Variants in DPP10 observed in about 807,000 individuals in gnomAD.
The protein encoded by DPP10 is dipeptidyl peptidase like 10.
A neutral mutation model predicts 120.9 loss-of-function variants in DPP10; 33 were observed. The ratio of observed to expected loss-of-function variants is 0.27; its 90% CI spans 0.21 to 0.37. DPP10 has a LOEUF of 0.37. Among genes scored for constraint, DPP10 ranks in the 10% least tolerant of loss-of-function variants. The pLI is 1.00. For missense variants in DPP10, 816 were observed against 942.8 expected, an observed-to-expected ratio of 0.87 and a Z score of 1.76; for synonymous variants, 337 against 326.1, an observed-to-expected ratio of 1.03 and a Z score of -0.36.
intron 1 of DPP10, among the ~76,000 whole-genome samples, chr2:114,573,975 C>A (rs1179786179): frequency 6.6e-6 from 1 of 152,048 alleles, no homozygotes; most frequent in South Asian, 2.1e-4. Context: ...TACATTTGAT[C>A]GTGGTGAAAG....
chr2:115,582,439 A>G (rs989112503), intron 5 of DPP10, among the ~76,000 whole-genome samples: 1 of 152,144 alleles, frequency 6.6e-6, no homozygotes, highest in African/African-American at 2.4e-5. Flanking sequence ...GGTGTTTCCC[A>G]TCTATTGGGA....
chr2:115,532,999 G>A (rs904313137), intron 5 of DPP10, among the ~76,000 whole-genome samples: 1 of 151,658 alleles, frequency 6.6e-6, no homozygotes, highest in Non-Finnish European at 1.5e-5. Context: ...TTTTTTTAAG[G>A]ACAAACATGA....
chr2:115,100,734 G>A (rs918727123), intron 1 of DPP10, among the ~76,000 whole-genome samples: 2 of 152,074 alleles, frequency 1.3e-5, no homozygotes, highest in Admixed American at 6.5e-5. Context: ...TCTTGGGGGA[G>A]TATTAACCTG....
chr2:115,656,562 C>G (rs566340381), intron 5 of DPP10, among the ~76,000 whole-genome samples: 19 of 151,730 alleles, frequency 1.3e-4, no homozygotes, highest in African/African-American at 3.9e-4. Flanking sequence ...TGGGGATTTA[C>G]TCGTCATTAA....
chr2:115,348,257 A>G (rs868694706), intron 3 of DPP10, among the ~76,000 whole-genome samples: 2 of 152,270 alleles, frequency 1.3e-5, no homozygotes, highest in Middle Eastern at 3.4e-3. Context: ...TTCCCCAGGT[A>G]CATTCATGTA....
intron 3 of DPP10, among the ~76,000 whole-genome samples, chr2:115,475,218 C>A (rs2074998236): frequency 6.6e-6 from 1 of 152,158 alleles, no homozygotes; most frequent in Non-Finnish European, 1.5e-5. Context: ...AAGTCCAGGG[C>A]CCCACGGACC....
intron 1 of DPP10, among the ~76,000 whole-genome samples, chr2:114,885,357 A>G (rs1009970171): frequency 6.6e-6 from 1 of 152,102 alleles, no homozygotes; most frequent in African/African-American, 2.4e-5. Context: ...ATGCTAAACC[A>G]TTTATAAGAA....
intron 3 of DPP10, among the ~76,000 whole-genome samples, chr2:115,397,733 T>C (rs368491329): frequency 1.3e-5 from 2 of 152,210 alleles, no homozygotes; most frequent in East Asian, 3.8e-4. Context: ...CTTCCTGTGC[T>C]TTTGGCTGTG....
At chr2:115,327,518 T>C (rs553727391) in intron 2 of DPP10, among the ~76,000 whole-genome samples, 3 of 152,168 alleles carry the variant, frequency 2.0e-5, no homozygotes, top group East Asian at 3.9e-4. Flanking sequence ...TACAGCCAAT[T>C]GTGGATTTTG....
intron 7 of DPP10, among the ~76,000 whole-genome samples, chr2:115,699,031 A>C (rs1559045488): frequency 3.2e-5 from 1 of 31,080 alleles, no homozygotes; most frequent in African/African-American, 8.8e-5. Flanking sequence ...TGAAAAAAAA[A>C]AAAACAAAAA....
intron 3 of DPP10, among the ~76,000 whole-genome samples, chr2:115,451,352 A>G (rs923869189): frequency 1.3e-4 from 19 of 151,944 alleles, no homozygotes; most frequent in African/African-American, 3.1e-4. Context: ...CTTTTACAAT[A>G]TGACTGACTA....
At chr2:114,988,145 T>A (rs1700535416) in intron 1 of DPP10, among the ~76,000 whole-genome samples, 1 of 152,154 alleles carries the variant, frequency 6.6e-6, no homozygotes, top group South Asian at 2.1e-4. Flanking sequence ...GCATCTCCCA[T>A]AATTGAATGT....
chr2:114,937,376 T>C (rs775099956), intron 1 of DPP10, among the ~76,000 whole-genome samples: 102 of 152,180 alleles, frequency 6.7e-4, no homozygotes, highest in African/African-American at 2.4e-3. Flanking sequence ...GTTTGCTTTG[T>C]TGAAAAAAAA....
chr2:114,885,831 T>A (rs974193398), intron 1 of DPP10, among the ~76,000 whole-genome samples: 17 of 152,218 alleles, frequency 1.1e-4, no homozygotes, highest in Non-Finnish European at 2.5e-4. Flanking sequence ...CAATCCAAGT[T>A]CTTCCACTTG....
chr2:114,933,756 C>T (rs1696253021), intron 1 of DPP10, among the ~76,000 whole-genome samples: 1 of 152,122 alleles, frequency 6.6e-6, no homozygotes, highest in Admixed American at 6.6e-5. Flanking sequence ...ATCAGAATTG[C>T]CTTGGGGACT....
intron 1 of DPP10, among the ~76,000 whole-genome samples, chr2:114,620,406 C>T (rs981183908): frequency 6.6e-6 from 1 of 151,876 alleles, no homozygotes; most frequent in African/African-American, 2.4e-5. Context: ...TAATTATCGC[C>T]TTATTTGAAA....
chr2:115,238,439 G>C (rs2105543798), intron 1 of DPP10, among the ~76,000 whole-genome samples: 1 of 152,322 alleles, frequency 6.6e-6, no homozygotes, highest in Admixed American at 6.5e-5. Context: ...AGGCCTGCCA[G>C]CACAACATTC....
At chr2:114,784,824 GCTAA>G (rs1462921603) in intron 1 of DPP10, among the ~76,000 whole-genome samples, 18 of 152,170 alleles carry the variant, frequency 1.2e-4, no homozygotes, top group African/African-American at 4.3e-4. Context: ...CCAGTCATTT[GCTAA>G]CTGAGCTAGA....
chr2:114,534,260 G>T (rs1354847719), intron 1 of DPP10, among the ~76,000 whole-genome samples: 1 of 151,780 alleles, frequency 6.6e-6, no homozygotes, highest in Non-Finnish European at 1.5e-5. Context: ...TCTTCTTTTG[G>T]CATGGTCTCT....
Sources: gnomAD v4.1 joint callset for allele counts (sites outside exome capture counted in the v4.1 genomes callset) on GRCh38, gnomAD v4.1.1 for gene constraint, MANE v1.5 for transcripts, NCBI Gene and HGNC (gene_info 2026-07-23, HGNC 2026-07-21) for gene names.